The following WWOX variants were observed in gnomAD, a reference collection of about 807,000 sequenced individuals.
The protein encoded by WWOX is WW domain containing oxidoreductase, also known as WW domain-containing oxidoreductase.
A neutral mutation model predicts 46.2 loss-of-function variants in WWOX; 69 were observed. That is an observed-to-expected ratio of 1.49 (90% CI 1.23 to 1.82). The LOEUF is 1.82. Ranked by LOEUF, WWOX falls within the 40% of genes most tolerant of loss-of-function variation. WWOX has a pLI of 0.00. For synonymous variants in WWOX, 359 were observed against 202.6 expected, an observed-to-expected ratio of 1.77 and a Z score of -6.56; for missense variants, 919 against 542.6, an observed-to-expected ratio of 1.69 and a Z score of -6.89.
intron 8 of WWOX, among the ~76,000 whole-genome samples, chr16:78,674,546 A>C (rs1268024185): frequency 6.6e-6 from 1 of 152,086 alleles, no homozygotes; most frequent in Non-Finnish European, 1.5e-5. Context: ...CAGCCTCCCA[A>C]AGTGCTGAGA....
At chr16:78,664,720 T>C (rs371799337) in intron 8 of WWOX, among the ~76,000 whole-genome samples, 245 of 152,334 alleles carry the variant, frequency 1.6e-3, no homozygotes, top group Middle Eastern at 0.01. Flanking sequence ...CCATCCATTA[T>C]GTACTCCCTG....
At chr16:78,605,808 T>A (rs893588671) in intron 8 of WWOX, among the ~76,000 whole-genome samples, 1 of 152,182 alleles carries the variant, frequency 6.6e-6, no homozygotes, top group Non-Finnish European at 1.5e-5. Context: ...ATGGTTAAAT[T>A]GAACCTTTCC....
At chr16:78,785,311 G>T (rs1039414796) in intron 8 of WWOX, among the ~76,000 whole-genome samples, 1 of 152,186 alleles carries the variant, frequency 6.6e-6, no homozygotes, top group Non-Finnish European at 1.5e-5. Flanking sequence ...CCCAGCAGCA[G>T]CTTTGAGCAC....
intron 6 of WWOX, among the ~76,000 whole-genome samples, chr16:78,405,026 A>T (rs1300051461): frequency 6.6e-6 from 1 of 152,174 alleles, no homozygotes; most frequent in Non-Finnish European, 1.5e-5. Flanking sequence ...TCTATTTTAC[A>T]TTTCCCCCTA....
intron 8 of WWOX, among the ~76,000 whole-genome samples, chr16:78,718,518 G>T (rs1227381348): frequency 6.6e-6 from 1 of 152,024 alleles, no homozygotes; most frequent in Non-Finnish European, 1.5e-5. Context: ...AAATGAATTT[G>T]CCAGTCAGAA....
intron 8 of WWOX, among the ~76,000 whole-genome samples, chr16:78,461,071 G>A (rs1037888072): frequency 6.6e-6 from 1 of 152,174 alleles, no homozygotes; most frequent in Non-Finnish European, 1.5e-5. Context: ...GACTATTACT[G>A]TGTTGCTTTG....
At chr16:78,131,889 T>A (rs2033609418) in intron 4 of WWOX, among the ~76,000 whole-genome samples, 2 of 149,312 alleles carry the variant, frequency 1.3e-5, no homozygotes, top group African/African-American at 2.5e-5. Flanking sequence ...TGGCAAGGAT[T>A]TTTTTTTTTT....
At position 79,056,985 on chromosome 16, in the gene WWOX, C is replaced by T. The variant is rs13332308; in HGVS notation, c.1057-154623C>T. Among the ~76,000 whole-genome samples the T allele has an allele frequency of 1.9e-3, 291 of 152,268 alleles. 1 individual carries two copies. The highest frequency in any genetic ancestry group is 6.6e-3 in the African/African-American group (274 of 41,550). ...TATTATCTATCACTTTTGAAAATGTCATTGGCATTATCGTTCACTTTTACA... is the reference window on the plus strand; with the variant it reads ...TATTATCTATCACTTTTGAAAATGTTATTGGCATTATCGTTCACTTTTACA... On this transcript the variant is annotated intron_variant, in intron 8 of 8. Transcript: ENST00000566780.
chr16:78,243,420 G>A (rs2037721154), intron 5 of WWOX, among the ~76,000 whole-genome samples: 1 of 152,076 alleles, frequency 6.6e-6, no homozygotes, highest in South Asian at 2.1e-4. Flanking sequence ...ATAGGTAAAT[G>A]ACATGTCATG....
At chr16:79,094,383 G>A (rs1056475672) in intron 8 of WWOX, among the ~76,000 whole-genome samples, 17 of 151,840 alleles carry the variant, frequency 1.1e-4, no homozygotes, top group East Asian at 2.0e-4. Flanking sequence ...CCAGGTAGTT[G>A]GGATTACAGG....
At chr16:78,883,405 C>T (rs1049812217) in intron 8 of WWOX, among the ~76,000 whole-genome samples, 1 of 152,138 alleles carries the variant, frequency 6.6e-6, no homozygotes, top group Non-Finnish European at 1.5e-5. Flanking sequence ...CTGTCATTTA[C>T]TTAATAGTAA....
chr16:79,206,676 C>T (rs1223700836), intron 8 of WWOX: 2 of 151,792 alleles, frequency 1.3e-5, no homozygotes, highest in African/African-American at 2.4e-5. Context: ...TTCTCGTCTG[C>T]TGCTTCCCAT....
chr16:78,516,070 C>T (rs1467952968), intron 8 of WWOX, among the ~76,000 whole-genome samples: 3 of 152,066 alleles, frequency 2.0e-5, no homozygotes, highest in East Asian at 1.9e-4. Flanking sequence ...AGCATGTGCT[C>T]ATCCCAATTA....
chr16:78,782,325 C>G (rs1351345514), intron 8 of WWOX, among the ~76,000 whole-genome samples: 1 of 152,194 alleles, frequency 6.6e-6, no homozygotes, highest in East Asian at 1.9e-4. Context: ...CCCTCTCCAT[C>G]CTCTCTGTTT....
At chr16:79,189,936 G>T (rs7186096) in intron 8 of WWOX, among the ~76,000 whole-genome samples, 15 of 146,754 alleles carry the variant, frequency 1.0e-4, no homozygotes, top group South Asian at 6.6e-4. Flanking sequence ...GGTGGGGAAG[G>T]GGGGGGGGAT....
chr16:78,740,652 T>C (rs928636028), intron 8 of WWOX, among the ~76,000 whole-genome samples: 1 of 152,130 alleles, frequency 6.6e-6, no homozygotes, highest in African/African-American at 2.4e-5. Context: ...GAAATTGATT[T>C]GGCAAAAAGG....
intron 8 of WWOX, among the ~76,000 whole-genome samples, chr16:79,081,517 G>C (rs183630231): frequency 7.8e-4 from 119 of 152,284 alleles, no homozygotes; most frequent in African/African-American, 2.7e-3. Flanking sequence ...TAACAGGACA[G>C]ACCTTGTACT....
In WWOX at chr16:78,810,843, T is replaced by G. The variant is rs2051170407; in HGVS notation, c.1056+378091T>G. 3.3e-5 allele frequency among the ~76,000 whole-genome samples: 5 copies of G among 152,110 alleles called. 1 individual carries two copies. The highest frequency in any genetic ancestry group is 3.3e-4 in the Admixed American group (5 of 15,268). Reference sequence around the variant, plus strand: ...AAAAAAGACAAATGACAGCGCAAGATCCAAAAAGACAAGTGCTCAGTCATT... The same window carrying G: ...AAAAAAGACAAATGACAGCGCAAGAGCCAAAAAGACAAGTGCTCAGTCATT... On this transcript the variant is annotated intron_variant, in intron 8 of 8. Transcript: ENST00000566780.
intron 8 of WWOX, among the ~76,000 whole-genome samples, chr16:78,928,208 T>C (rs960416559): frequency 1.2e-4 from 18 of 150,288 alleles, no homozygotes; most frequent in African/African-American, 3.2e-4. Context: ...CTTTTCTTTT[T>C]TTTTTTTTTT....
Sources: allele counts gnomAD v4.1 joint callset (sites outside exome capture counted in the v4.1 genomes callset), GRCh38; gene constraint gnomAD v4.1.1; transcripts MANE v1.5; gene names NCBI Gene and HGNC (gene_info 2026-07-23, HGNC 2026-07-21).